UVSSA: variants seen among roughly 807,000 people sequenced by gnomAD.
The protein encoded by UVSSA is UV-stimulated scaffold protein A.
A neutral mutation model predicts 73.9 loss-of-function variants in UVSSA; 72 were observed. That is an observed-to-expected ratio of 0.97 (90% CI 0.81 to 1.19). The LOEUF (loss-of-function observed/expected upper bound fraction) is 1.19. Ranked by LOEUF, UVSSA falls within the 50% of genes most tolerant of loss-of-function variation. UVSSA has a pLI of 0.00. For missense variants in UVSSA, 1,150 were observed against 965.0 expected (o/e 1.19, Z -2.54); for synonymous variants, 454 against 391.3 (o/e 1.16, Z -1.89).
In UVSSA at chr4:1,362,213, C is replaced by T. The variant is rs55839383; in HGVS notation, c.1177-4107C>T. Reference sequence around the variant, plus strand: ...CCATTTGTATGAAGCCAGCAGAGGCCGGAGTGCTCCTGCCCGCCTCCCCGC... The same window carrying T: ...CCATTTGTATGAAGCCAGCAGAGGCTGGAGTGCTCCTGCCCGCCTCCCCGC... On this transcript the variant is annotated intron_variant, in intron 7 of 13. Transcript: ENST00000389851. Among the ~76,000 whole-genome samples, 217 of 152,334 alleles carry T rather than the reference C, an allele frequency of 1.4e-3. 1 individual carries two copies. The highest frequency in any genetic ancestry group is 5.0e-3 in the African/African-American group (206 of 41,578).
At chr4:1,367,408 G>A (rs1416829431) in intron 8 of UVSSA, among the ~76,000 whole-genome samples, 4 of 152,224 alleles carry the variant, frequency 2.6e-5, no homozygotes, top group African/African-American at 9.6e-5. Flanking sequence ...TGTAAGAAGA[G>A]ATGTAGATTT....
rs1255649202 is a variant in UVSSA, at chr4:1,376,173, G to A, written c.1568+5G>A. ...CACAGCCGGGAAGATTGTCAAGTGA[G>A]TCCCCATGTGTCTGAAGTCGGCCAG... On this transcript the variant is annotated splice_donor_5th_base_variant and intron_variant, in intron 10 of 13. Coordinates refer to ENST00000389851, the MANE Select transcript of UVSSA (RefSeq NM_020894.4). 1.2e-6 allele frequency: 2 copies of A among 1,605,820 alleles called. No homozygotes were observed. The highest frequency in any genetic ancestry group is 1.7e-6 in the Non-Finnish European group (2 of 1,175,528).
intron 8 of UVSSA, among the ~76,000 whole-genome samples, chr4:1,372,717 C>A (rs550267617): frequency 6.7e-6 from 1 of 149,450 alleles, no homozygotes; most frequent in Non-Finnish European, 1.5e-5. Flanking sequence ...GAGCACTCAT[C>A]TCCTGCTACT....
At chr4:1,343,939 T>C, upstream of UVSSA, among the ~76,000 whole-genome samples, 1 of 152,262 alleles carries the variant, frequency 6.6e-6, no homozygotes, top group East Asian at 1.9e-4. Flanking sequence ...AAAATGCTTT[T>C]ACATCACCTC....
intron 12 of UVSSA, among the ~76,000 whole-genome samples, chr4:1,381,868 G>A (rs1022506689): frequency 3.3e-5 from 5 of 152,106 alleles, no homozygotes; most frequent in Middle Eastern, 6.8e-3. Context: ...AGGTGGGGTG[G>A]CACTGTATTG....
Position 1,355,160 on chromosome 4 carries a change from C to T in UVSSA, c.1091C>T (p.Ala364Val). 1 of 1,613,838 alleles carries T rather than the reference C, an allele frequency of 6.2e-7. No homozygotes were observed. The highest frequency in any genetic ancestry group is 1.1e-5 in the South Asian group (1 of 91,060). ...VGTHGGCLKR[A>V]IDLKAELELV... ...ACCCACGGTGGATGTTTAAAGCGTG[C>T]CATTGACCTGAAGGCTGAATTGGAG... The change falls in exon 7 of 14, where the codon GCC (alanine) becomes GTC (valine). Residue 364 changes from alanine (A) to valine (V), a missense_variant. Coordinates refer to ENST00000389851, the MANE Select transcript of UVSSA (RefSeq NM_020894.4).
intron 8 of UVSSA, among the ~76,000 whole-genome samples, chr4:1,373,783 T>C (rs1029053254): frequency 1.3e-5 from 2 of 152,220 alleles, no homozygotes; most frequent in African/African-American, 4.8e-5. Flanking sequence ...AAGAGGGTGT[T>C]CCGTGCTTCC....
upstream of UVSSA, among the ~76,000 whole-genome samples, chr4:1,344,868 G>C (rs1483489963): frequency 1.3e-5 from 2 of 152,196 alleles, no homozygotes; most frequent in African/African-American, 4.8e-5. Flanking sequence ...GACATGAGCA[G>C]TGGCTGGAAG....
chr4:1,393,979 ACGC>A, exon 14 of UVSSA: 1 of 202,376 alleles, frequency 4.9e-6, no homozygotes. Context: ...TTCTGCCGAC[ACGC>A]AGTTGATGCA....
chr4:1,391,534 CAT>C (rs1720414687), downstream of UVSSA: 1 of 152,146 alleles, frequency 6.6e-6, no homozygotes, highest in African/African-American at 2.4e-5. Flanking sequence ...ATCATTATGA[CAT>C]GTCCTTCTTT....
At chr4:1,351,866 C>A in intron 4 of UVSSA, 31 bp downstream of exon 4, 6 of 1,609,156 alleles carry the variant, frequency 3.7e-6, no homozygotes, top group Non-Finnish European at 5.1e-6. Context: ...GAGGGGCCCA[C>A]GCCTCTGAGG....
intron 7 of UVSSA, among the ~76,000 whole-genome samples, chr4:1,360,203 G>C (rs114640570): frequency 6.6e-6 from 1 of 152,348 alleles, no homozygotes; most frequent in Admixed American, 6.5e-5. Context: ...AGATACACAG[G>C]TTCTCTGGAG....
At chr4:1,342,028 C>T (rs1434143061), upstream of UVSSA, among the ~76,000 whole-genome samples, 1 of 152,170 alleles carries the variant, frequency 6.6e-6, no homozygotes, top group Non-Finnish European at 1.5e-5. Flanking sequence ...TGGGTTGTTC[C>T]CTATTTGGGG....
intron 2 of UVSSA, among the ~76,000 whole-genome samples, chr4:1,349,036 G>GT: frequency 8.3e-6 from 1 of 120,064 alleles, no homozygotes; most frequent in African/African-American, 2.9e-5. Flanking sequence ...GTGCCAGGCG[G>GT]TGTGTGTTTG....
intron 7 of UVSSA, among the ~76,000 whole-genome samples, chr4:1,364,582 G>C (rs1235820517): frequency 6.6e-6 from 1 of 152,230 alleles, no homozygotes; most frequent in Non-Finnish European, 1.5e-5. Context: ...GTGTGTGTCA[G>C]AGTGATTCTG....
chr4:1,387,015 G>A lies in UVSSA; in HGVS notation c.*1054G>A, dbSNP rs1391962282. On this transcript the variant is annotated 3_prime_UTR_variant, in exon 14 of 14. Coordinates refer to ENST00000389851, the MANE Select transcript of UVSSA (RefSeq NM_020894.4). Reference sequence around the variant, plus strand: ...ATTACAGGCATGAGCCACCACTCCTGGCCAGGAGTTTATATGTATACTGTG... The same window carrying A: ...ATTACAGGCATGAGCCACCACTCCTAGCCAGGAGTTTATATGTATACTGTG... 1 of 151,290 alleles carries A rather than the reference G, an allele frequency of 6.6e-6. No homozygotes were observed. The highest frequency in any genetic ancestry group is 1.5e-5 in the Non-Finnish European group (1 of 67,880). 9.4% of individuals were successfully genotyped at this position (151,290 alleles called of 1,614,324 possible).
chr4:1,366,340 GGAGGAAGAT>G lies in UVSSA; in HGVS notation c.1203_1211del (p.Glu401_Glu403del), dbSNP rs1560459036. On this transcript the variant is annotated inframe_deletion, in exon 8 of 14. Transcript: ENST00000389851. Reference sequence around the variant, plus strand: ...CACAGACAGAAGCCCTGGGGGATGCGGAGGAAGATGAGGACGATGAGGACTTTGTGGAGG... The same window carrying G: ...CACAGACAGAAGCCCTGGGGGATGCGGAGGACGATGAGGACTTTGTGGAGG... 5 of 1,613,068 alleles carry G rather than the reference GGAGGAAGAT, an allele frequency of 3.1e-6. No homozygotes were observed. The highest frequency in any genetic ancestry group is 3.3e-5 in the Admixed American group (2 of 59,918).
rs139719436 is a variant in UVSSA at position 1,355,156 on chromosome 4, C to G, written c.1087C>G (p.Arg363Gly). ...CGGGACCCACGGTGGATGTTTAAAG[C>G]GTGCCATTGACCTGAAGGCTGAATT... ...RVGTHGGCLK[R>G]AIDLKAELEL... Residue 363 changes from arginine (R) to glycine (G), a missense_variant, in exon 7 of 14, where the codon CGT becomes GGT. Arg to Gly is a moderately radical substitution (Grantham distance 125, BLOSUM62 -2). Transcript: ENST00000389851. 1 of 1,613,754 alleles carries G rather than the reference C, an allele frequency of 6.2e-7. No individual in the cohort carries two copies.
chr4:1,379,310 G>GC (rs1719150043), intron 10 of UVSSA, among the ~76,000 whole-genome samples: 1 of 152,216 alleles, frequency 6.6e-6, no homozygotes, highest in East Asian at 1.9e-4. Flanking sequence ...CTGTGTGAGG[G>GC]CCCCTCAGAC....
Sources: allele counts gnomAD v4.1 joint callset (sites outside exome capture counted in the v4.1 genomes callset), GRCh38; gene constraint gnomAD v4.1.1; transcripts MANE v1.5; gene names NCBI Gene and HGNC (gene_info 2026-07-23, HGNC 2026-07-21).